The following LMBRD1 variants were observed in gnomAD, a reference collection of about 807,000 sequenced individuals.
LMBRD1 encodes lysosomal cobalamin transport escort protein LMBD1.
In LMBRD1, 64 loss-of-function variants were observed where a neutral mutation model predicts 74.8. The observed-to-expected ratio is 0.86, with a 90% CI of 0.70 to 1.05. LMBRD1 has a LOEUF of 1.05. LMBRD1 is among the 50% of genes least tolerant of loss of function. LMBRD1 has a pLI of 0.00. For missense variants in LMBRD1, 652 were observed against 645.9 expected, an observed-to-expected ratio of 1.01 and a Z score of -0.10; for synonymous variants, 204 against 216.3, an observed-to-expected ratio of 0.94 and a Z score of 0.50.
chr6:69,749,228 C>G, intron 5 of LMBRD1, 113 bp downstream of exon 5: 1 of 836,822 alleles, frequency 1.2e-6, no homozygotes, highest in South Asian at 1.6e-5. Flanking sequence ...GTGGATTGTT[C>G]TTTTTTCTTA....
At position 69,713,801 on chromosome 6, in the gene LMBRD1, CA is replaced by C. The variant is rs1562095731; in HGVS notation, c.763-5del. The C allele has an allele frequency of 6.2e-7, 1 of 1,613,226 alleles. No homozygotes were observed. The highest frequency in any genetic ancestry group is 2.2e-5 in the East Asian group (1 of 44,834). On this transcript the variant is annotated splice_polypyrimidine_tract_variant and splice_region_variant and intron_variant, in intron 8 of 15. Coordinates refer to ENST00000649934, the MANE Select transcript of LMBRD1 (RefSeq NM_018368.4). The stretch of plus-strand genomic sequence containing the variant: ...GCAAAGGTCGACCATCTTTGCTCTG[CA>C]AATAACAGAACAAAATAAAAGTTTT...
intron 3 of LMBRD1, among the ~76,000 whole-genome samples, chr6:69,759,510 T>C (rs1165998581): frequency 1.3e-5 from 2 of 151,096 alleles, no homozygotes; most frequent in African/African-American, 4.9e-5. Flanking sequence ...AGGTTTATGC[T>C]AGGAATGCAA....
At chr6:69,702,560 CA>C (rs1766157511) in intron 9 of LMBRD1, among the ~76,000 whole-genome samples, 1 of 151,626 alleles carries the variant, frequency 6.6e-6, no homozygotes, top group South Asian at 2.1e-4. Context: ...ATATTTCTCC[CA>C]ATTGTATGAA....
At chr6:69,766,374 T>C (rs1765476306) in intron 3 of LMBRD1, among the ~76,000 whole-genome samples, 2 of 151,984 alleles carry the variant, frequency 1.3e-5, no homozygotes, top group South Asian at 4.1e-4. Flanking sequence ...TAATCAATGA[T>C]CGATACTGGA....
intron 14 of LMBRD1, among the ~76,000 whole-genome samples, chr6:69,681,995 T>G (rs1765672615): frequency 6.6e-6 from 1 of 151,434 alleles, no homozygotes; most frequent in South Asian, 2.1e-4. Context: ...CTGGAAAAAA[T>G]GAGCTCAGGG....
chr6:69,707,855 T>C (rs1766295808), intron 9 of LMBRD1, among the ~76,000 whole-genome samples: 2 of 152,166 alleles, frequency 1.3e-5, no homozygotes, highest in Non-Finnish European at 2.9e-5. Context: ...AAATACATTG[T>C]TTCCATTTGA....
At position 69,713,781 on chromosome 6, in the gene LMBRD1, G is replaced by A; in HGVS notation, c.779C>T (p.Pro260Leu). ...TIKSKSKDGRPLPARDKRALK... is the reference protein window; with the variant it reads ...TIKSKSKDGRLLPARDKRALK... ...GGCGCGTTTATCCCTTGCTGGCAAA[G>A]GTCGACCATCTTTGCTCTGCAAATA... Residue 260 changes from proline to leucine, a missense_variant, in exon 9 of 16, where the codon CCT becomes CTT. Transcript: ENST00000649934. 1.2e-6 allele frequency: 2 copies of A among 1,613,506 alleles called. No individual in the cohort carries two copies. Among genetic ancestry groups the A allele is most frequent in the East Asian group, 4.5e-5 (2 of 44,846 alleles).
intron 12 of LMBRD1, among the ~76,000 whole-genome samples, chr6:69,700,300 G>A: frequency 6.6e-6 from 1 of 151,808 alleles, no homozygotes; most frequent in Non-Finnish European, 1.5e-5. Context: ...AATAACCAAT[G>A]ATATGGTAAT....
At chr6:69,723,537 A>G (rs1394685250) in intron 7 of LMBRD1, among the ~76,000 whole-genome samples, 3 of 152,150 alleles carry the variant, frequency 2.0e-5, no homozygotes, top group Non-Finnish European at 2.9e-5. Context: ...CTATACAAAC[A>G]CATGGAAATT....
At chr6:69,676,810 T>C (rs1421232824) in intron 14 of LMBRD1, among the ~76,000 whole-genome samples, 1 of 152,080 alleles carries the variant, frequency 6.6e-6, no homozygotes, top group Non-Finnish European at 1.5e-5. Flanking sequence ...AAAAAAATCA[T>C]CTTGACTAGT....
chr6:69,756,604 C>G (rs1463017265), intron 3 of LMBRD1, among the ~76,000 whole-genome samples: 1 of 152,034 alleles, frequency 6.6e-6, no homozygotes, highest in African/African-American at 2.4e-5. Flanking sequence ...AAACATATAC[C>G]TATCATGTGA....
chr6:69,700,928 T>C lies in LMBRD1; in HGVS notation c.1084-59A>G, dbSNP rs550327279. 1.0e-5 allele frequency: 11 copies of C among 1,073,966 alleles called. No homozygotes were observed. The South Asian group carries it at 1.1e-4, about 11-fold the overall frequency. 66.5% of individuals were successfully genotyped at this position (1,073,966 alleles called of 1,614,324 possible). On this transcript the variant is annotated intron_variant, in intron 11 of 15. Transcript: ENST00000649934. ...TAAACTATAAGCACTCTAACAGTCATATAAAATAAGCTAAAAACTTCATTA... is the reference window on the plus strand; with the variant it reads ...TAAACTATAAGCACTCTAACAGTCACATAAAATAAGCTAAAAACTTCATTA...
rs190267074 is a variant in LMBRD1, at chr6:69,676,574, A to G, written c.1418-33T>C. The G allele has an allele frequency of 1.6e-4, 236 of 1,473,720 alleles. No homozygotes were observed. The African/African-American group carries it at 2.7e-3, about 17-fold the overall frequency. The allele number at this position is 1,473,720 out of a possible 1,614,324, so 91.3% of individuals were successfully genotyped here. A position where few individuals can be genotyped will look rare whatever the true frequency, so the allele number is the denominator to read the frequency against. On this transcript the variant is annotated intron_variant, in intron 14 of 15. Transcript: ENST00000649934. The stretch of plus-strand genomic sequence containing the variant: ...AGCAAATAAAAGACTATGGTGAGAT[A>G]GGTTCTTTCATAAAATTGATGATTA...
At chr6:69,690,479 C>T (rs1050230275) in intron 14 of LMBRD1, among the ~76,000 whole-genome samples, 1 of 152,086 alleles carries the variant, frequency 6.6e-6, no homozygotes, top group African/African-American at 2.4e-5. Flanking sequence ...GAATGCTGTT[C>T]AGTAAGATTC....
At chr6:69,744,315 A>T (rs1470670043) in intron 5 of LMBRD1, among the ~76,000 whole-genome samples, 1 of 152,224 alleles carries the variant, frequency 6.6e-6, no homozygotes, top group East Asian at 1.9e-4. Context: ...TGGAATACTA[A>T]GCTTGTGAGA....
At chr6:69,745,318 G>A in intron 5 of LMBRD1, among the ~76,000 whole-genome samples, 1 of 150,106 alleles carries the variant, frequency 6.7e-6, no homozygotes, top group Admixed American at 6.6e-5. Flanking sequence ...GACTGCAGTG[G>A]CGCAATCTCG....
intron 3 of LMBRD1, among the ~76,000 whole-genome samples, chr6:69,771,695 T>A (rs1468407284): frequency 1.3e-5 from 2 of 152,122 alleles, no homozygotes; most frequent in Non-Finnish European, 2.9e-5. Flanking sequence ...AATGACTTCG[T>A]CATTTCCTCT....
In LMBRD1 at chr6:69,749,900, A is replaced by ATACT. The variant is rs1562111605; in HGVS notation, c.406-493_406-492insAGTA. Reference sequence around the variant, plus strand: ...TATATACACATATACATACTCATATATACATATATAAGTATATATACACAT... The same window carrying ATACT: ...TATATACACATATACATACTCATATATACTTACATATATAAGTATATATACACAT... On this transcript the variant is annotated intron_variant, in intron 4 of 15. Coordinates refer to ENST00000649934, the MANE Select transcript of LMBRD1 (RefSeq NM_018368.4). Among the ~76,000 whole-genome samples, 210 of 114,218 alleles carry ATACT rather than the reference A, an allele frequency of 1.8e-3. 15 individuals are homozygous for ATACT. The highest frequency in any genetic ancestry group is 0.01 in the African/African-American group (173 of 16,782). 74.9% of individuals were successfully genotyped at this position (114,218 alleles called of 152,430 possible).
At chr6:69,703,195 C>T (rs1766171309) in intron 9 of LMBRD1, among the ~76,000 whole-genome samples, 1 of 152,062 alleles carries the variant, frequency 6.6e-6, no homozygotes, top group African/African-American at 2.4e-5. Flanking sequence ...ATAGTAACAA[C>T]TGCTCATTAG....
Sources: allele counts gnomAD v4.1 joint callset (sites outside exome capture counted in the v4.1 genomes callset), GRCh38; gene constraint gnomAD v4.1.1; transcripts MANE v1.5; gene names NCBI Gene and HGNC (gene_info 2026-07-23, HGNC 2026-07-21).